The following KCNIP4 variants were observed in gnomAD, a reference collection of about 807,000 sequenced individuals.
KCNIP4 encodes Kv channel-interacting protein 4.
Under a neutral mutation model 34.0 loss-of-function variants are expected in KCNIP4, and 12 were observed. The observed-to-expected ratio is 0.35, with a 90% CI of 0.23 to 0.57. KCNIP4 has a LOEUF of 0.57. Among genes scored for constraint, KCNIP4 ranks in the 20% least tolerant of loss-of-function variants. The pLI is 0.83. For missense variants in KCNIP4, 238 were observed against 311.7 expected (o/e 0.76, Z 1.78); for synonymous variants, 124 against 102.2 (o/e 1.21, Z -1.29).
At chr4:21,351,688 G>A (rs879362918) in intron 1 of KCNIP4, among the ~76,000 whole-genome samples, 2 of 152,112 alleles carry the variant, frequency 1.3e-5, no homozygotes, top group Non-Finnish European at 2.9e-5. Context: ...TATGGTTGGT[G>A]TCCTTATAAG....
At chr4:21,837,472 T>C (rs1047989501) in intron 1 of KCNIP4, among the ~76,000 whole-genome samples, 1 of 135,436 alleles carries the variant, frequency 7.4e-6, no homozygotes, top group Admixed American at 8.5e-5. Flanking sequence ...AGGTGGAGGT[T>C]GCAGTGAGCT....
intron 1 of KCNIP4, among the ~76,000 whole-genome samples, chr4:21,502,906 G>A (rs1480795535): frequency 1.3e-5 from 2 of 152,122 alleles, no homozygotes; most frequent in African/African-American, 4.8e-5. Flanking sequence ...TATACCCATA[G>A]TTTGTTGAAT....
At chr4:20,985,747 G>A (rs1233609722) in intron 1 of KCNIP4, among the ~76,000 whole-genome samples, 2 of 152,166 alleles carry the variant, frequency 1.3e-5, no homozygotes. Flanking sequence ...GGTACAGTGG[G>A]AAAACAAGGA....
intron 1 of KCNIP4, among the ~76,000 whole-genome samples, chr4:21,568,361 A>G (rs997204611): frequency 2.0e-5 from 3 of 152,170 alleles, no homozygotes; most frequent in African/African-American, 4.8e-5. Flanking sequence ...ACATATACAC[A>G]GGGACAAGGC....
intron 1 of KCNIP4, among the ~76,000 whole-genome samples, chr4:21,037,617 G>A (rs918296959): frequency 4.6e-5 from 7 of 152,148 alleles, no homozygotes; most frequent in Non-Finnish European, 8.8e-5. Flanking sequence ...TTCTTATAAC[G>A]TATTCTCATT....
chr4:21,531,949 T>C (rs1736717191), intron 1 of KCNIP4, among the ~76,000 whole-genome samples: 1 of 152,038 alleles, frequency 6.6e-6, no homozygotes, highest in Middle Eastern at 3.2e-3. Context: ...ATGTAAAAAA[T>C]AATTATATGA....
chr4:20,888,628 T>G (rs1725575057), intron 1 of KCNIP4, among the ~76,000 whole-genome samples: 1 of 152,292 alleles, frequency 6.6e-6, no homozygotes, highest in Non-Finnish European at 1.5e-5. Context: ...AAACACTCTT[T>G]GTTTTCATTA....
chr4:21,354,704 C>T (rs1039455349), intron 1 of KCNIP4, among the ~76,000 whole-genome samples: 2 of 152,098 alleles, frequency 1.3e-5, no homozygotes, highest in Non-Finnish European at 2.9e-5. Flanking sequence ...TAATGGGAGA[C>T]TTTAACACCC....
chr4:21,643,087 CA>C (rs1746731713), intron 1 of KCNIP4, among the ~76,000 whole-genome samples: 1 of 152,042 alleles, frequency 6.6e-6, no homozygotes, highest in South Asian at 2.1e-4. Flanking sequence ...GCGATGTAAC[CA>C]GTACAGAAAT....
intron 1 of KCNIP4, among the ~76,000 whole-genome samples, chr4:21,857,593 G>A (rs1724838832): frequency 6.6e-6 from 1 of 152,040 alleles, no homozygotes; most frequent in Non-Finnish European, 1.5e-5. Context: ...GCTGACAGCT[G>A]AACACTCGTC....
chr4:21,942,783 A>G (rs1730275206), intron 1 of KCNIP4, among the ~76,000 whole-genome samples: 1 of 152,136 alleles, frequency 6.6e-6, no homozygotes, highest in Non-Finnish European at 1.5e-5. Flanking sequence ...TTTGAGACAG[A>G]GTCTCACTCT....
intron 1 of KCNIP4, among the ~76,000 whole-genome samples, chr4:21,055,865 G>A (rs76835563): frequency 0.029 from 4,395 of 152,248 alleles, 171 homozygotes; most frequent in African/African-American, 0.099. Context: ...TGATGGACAC[G>A]TGTCATTATA....
chr4:21,816,476 C>T (rs1400033255), intron 1 of KCNIP4, among the ~76,000 whole-genome samples: 1 of 152,162 alleles, frequency 6.6e-6, no homozygotes, highest in Non-Finnish European at 1.5e-5. Context: ...CTCAGGACCA[C>T]CAGGAGAACT....
At chr4:21,243,841 C>A (rs924389744) in intron 1 of KCNIP4, among the ~76,000 whole-genome samples, 5 of 152,068 alleles carry the variant, frequency 3.3e-5, no homozygotes, top group African/African-American at 1.2e-4. Flanking sequence ...ATATTGCATG[C>A]TAGAGGCCTC....
intron 1 of KCNIP4, among the ~76,000 whole-genome samples, chr4:20,909,599 CT>C (rs1404635169): frequency 3.3e-5 from 5 of 152,178 alleles, no homozygotes; most frequent in African/African-American, 1.2e-4. Flanking sequence ...GTCATTTCTG[CT>C]GTTTGGGACA....
chr4:21,056,254 A>G (rs966652714), intron 1 of KCNIP4, among the ~76,000 whole-genome samples: 1 of 152,126 alleles, frequency 6.6e-6, no homozygotes, highest in African/African-American at 2.4e-5. Context: ...GTAAATTTGA[A>G]CTATTCTGTA....
chr4:21,249,074 TA>T (rs1384061607), intron 1 of KCNIP4, among the ~76,000 whole-genome samples: 1 of 152,126 alleles, frequency 6.6e-6, no homozygotes, highest in Non-Finnish European at 1.5e-5. Context: ...GTATTTTCTT[TA>T]AAGTGTAAGG....
intron 1 of KCNIP4, among the ~76,000 whole-genome samples, chr4:21,406,555 T>C (rs1273656293): frequency 6.6e-6 from 1 of 152,180 alleles, no homozygotes; most frequent in African/African-American, 2.4e-5. Context: ...CTTTATAATA[T>C]TCTTTGTGAC....
At chr4:21,574,993 G>A (rs1245503312) in intron 1 of KCNIP4, among the ~76,000 whole-genome samples, 1 of 152,086 alleles carries the variant, frequency 6.6e-6, no homozygotes, top group African/African-American at 2.4e-5. Context: ...TGAACTAATG[G>A]AATTATGTAA....
Sources: allele counts gnomAD v4.1 joint callset (sites outside exome capture counted in the v4.1 genomes callset), GRCh38; gene constraint gnomAD v4.1.1; transcripts MANE v1.5; gene names NCBI Gene and HGNC (gene_info 2026-07-23, HGNC 2026-07-21).